Variants in CELSR1 observed in about 807,000 individuals in gnomAD.
CELSR1 encodes the protein cadherin EGF LAG seven-pass G-type receptor 1, also known as adhesion G protein-coupled receptor C1.
CELSR1 carries 110 observed loss-of-function variants against 249.1 expected under a neutral mutation model. The ratio of observed to expected loss-of-function variants is 0.44; its 90% CI spans 0.38 to 0.52. The LOEUF (loss-of-function observed/expected upper bound fraction) is 0.52, where lower values mean the gene tolerates loss of function less well. CELSR1 is among the 20% of genes least tolerant of loss of function. The pLI, the probability that CELSR1 is intolerant of heterozygous loss-of-function variation, is 0.00. For missense variants in CELSR1, 4,109 were observed against 4,296.4 expected, an observed-to-expected ratio of 0.96 and a Z score of 1.22; for synonymous variants, 2,113 against 1,900.0, an observed-to-expected ratio of 1.11 and a Z score of -2.92.
At chr22:46,489,611 C>A (rs757581714) in intron 1 of CELSR1, among the ~76,000 whole-genome samples, 1 of 152,094 alleles carries the variant, frequency 6.6e-6, no homozygotes, top group African/African-American at 2.4e-5. Flanking sequence ...TCAGACTCTG[C>A]CAGGAAAACG....
rs201155196 is a variant in CELSR1 at position 46,369,747 on chromosome 22, G to A, written c.7817C>T (p.Ser2606Leu). 3.3e-5 allele frequency: 54 copies of A among 1,613,458 alleles called. No homozygotes were observed. Among genetic ancestry groups the A allele is most frequent in the East Asian group, 2.0e-4 (9 of 44,886 alleles). The change falls in exon 26 of 35, where the codon TCG becomes TTG. Residue 2606 changes from serine (S) to leucine (L), a missense_variant. Transcript: ENST00000674500. ...GYGNPDFCWL[S>L]LQDTLIWSFA... Reference sequence around the variant, plus strand: ...GCTCCAAATCAGGGTGTCTTGAAGCGACAGCCAGCAGAAGTCGGGGTTCCC... The same window carrying A: ...GCTCCAAATCAGGGTGTCTTGAAGCAACAGCCAGCAGAAGTCGGGGTTCCC...
At chr22:46,403,243 A>G (rs1256127123) in intron 9 of CELSR1, among the ~76,000 whole-genome samples, 4 of 152,084 alleles carry the variant, frequency 2.6e-5, no homozygotes, top group Admixed American at 2.6e-4. Context: ...AGACAAAGAC[A>G]AAAAAACAAT....
chr22:46,439,049 C>T (rs940612484), intron 3 of CELSR1, 140 bp downstream of exon 3: 95 of 827,374 alleles, frequency 1.1e-4, no homozygotes, highest in African/African-American at 1.0e-3. Context: ...TGAGCCACCG[C>T]GCCTGGCCTG....
Position 46,408,963 on chromosome 22 carries a change from G to A in CELSR1, c.5226+33C>T, listed in dbSNP as rs1210502065. ...GGTCCCTCCCTCGGGCACCCACCTA[G>A]CAGGTGCCTTGGTGGCACGGGGCCC... On this transcript the variant is annotated intron_variant, in intron 9 of 34. Coordinates refer to ENST00000674500, the MANE Select transcript of CELSR1 (RefSeq NM_001378328.1). This position sits in a 1 kb window ranked among gnomAD's most constrained non-coding sequence, Gnocchi z 4.6. 6.4e-7 allele frequency: 1 copy of A among 1,564,352 alleles called. No homozygotes were observed. Among genetic ancestry groups the A allele is most frequent in the Admixed American group, 1.9e-5 (1 of 53,316 alleles).
chr22:46,526,994 T>C lies in CELSR1; in HGVS notation c.3544+6633A>G, dbSNP rs565009226. On this transcript the variant is annotated intron_variant, in intron 1 of 34. Coordinates refer to ENST00000674500, the MANE Select transcript of CELSR1 (RefSeq NM_001378328.1). This position sits in a 1 kb window ranked among gnomAD's most constrained non-coding sequence, Gnocchi z 4.7. ...ACTCTCATCCTCCCAGAGCCAGTTT[T>C]TTCTGGAAGGCACAGACAGGGAACA... 6.6e-6 allele frequency among the ~76,000 whole-genome samples: 1 copy of C among 152,262 alleles called. No homozygotes were observed. The highest frequency in any genetic ancestry group is 1.9e-4 in the East Asian group (1 of 5,184).
intron 9 of CELSR1, among the ~76,000 whole-genome samples, chr22:46,403,505 C>T (rs893163337): frequency 6.6e-6 from 1 of 151,666 alleles, no homozygotes; most frequent in African/African-American, 2.4e-5. Flanking sequence ...TGCAGTGAGA[C>T]GAGATCAAGC....
chr22:46,384,350 G>A (rs1289108500), intron 20 of CELSR1, among the ~76,000 whole-genome samples, 193 bp downstream of exon 20: 8 of 152,230 alleles, frequency 5.3e-5, no homozygotes. Flanking sequence ...TTCAGGATTA[G>A]GATGTTCAGC....
At chr22:46,426,767 C>T (rs1459707335) in intron 5 of CELSR1, among the ~76,000 whole-genome samples, 2 of 152,144 alleles carry the variant, frequency 1.3e-5, no homozygotes, top group South Asian at 2.1e-4. Flanking sequence ...AATAAAAGGG[C>T]CCATGGGAGT....
intron 1 of CELSR1, among the ~76,000 whole-genome samples, chr22:46,515,207 G>A (rs886960677): frequency 6.6e-6 from 1 of 152,180 alleles, no homozygotes; most frequent in Non-Finnish European, 1.5e-5. Flanking sequence ...GCCACACTCT[G>A]GGACCTCATG....
At chr22:46,414,146 A>C (rs1487610009) in intron 5 of CELSR1, among the ~76,000 whole-genome samples, 1 of 152,184 alleles carries the variant, frequency 6.6e-6, no homozygotes, top group Non-Finnish European at 1.5e-5. Context: ...TGAGACACCC[A>C]CTGCTAGGAC....
At chr22:46,476,456 C>T (rs1005583535) in intron 1 of CELSR1, among the ~76,000 whole-genome samples, 26 of 152,018 alleles carry the variant, frequency 1.7e-4, no homozygotes, top group African/African-American at 6.0e-4. Flanking sequence ...ATTAGCCAGG[C>T]GTGGTGGTGC....
intron 30 of CELSR1, among the ~76,000 whole-genome samples, chr22:46,366,145 T>C: frequency 1.3e-4 from 1 of 7,748 alleles, no homozygotes; most frequent in Admixed American, 1.2e-3. Context: ...GGGAAAAGGT[T>C]GGTTGGGGGA....
At chr22:46,372,769 G>C (rs984650757) in intron 25 of CELSR1, 114 bp downstream of exon 25, 3 of 1,345,786 alleles carry the variant, frequency 2.2e-6, no homozygotes, top group Non-Finnish European at 3.0e-6. Flanking sequence ...CTCTGCTGGG[G>C]GCTGGACAAG....
rs1404953362 is a variant in CELSR1, at chr22:46,395,842, T to C, written c.5843+763A>G. ...GTGACGCTTGTGATGACTACGCACC[T>C]GTACCCAGCGATCCCCGTGCAAAGG... On this transcript the variant is annotated intron_variant, in intron 13 of 34. Transcript: ENST00000674500. The surrounding 1 kb of genome is among the most constrained non-coding windows in gnomAD (Gnocchi z 5.5). Among the ~76,000 whole-genome samples, 4 of 152,202 alleles carry C rather than the reference T, an allele frequency of 2.6e-5. No individual in the cohort carries two copies. Among genetic ancestry groups the C allele is most frequent in the African/African-American group, 7.2e-5 (3 of 41,454 alleles).
At position 46,393,177 on chromosome 22, in the gene CELSR1, C is replaced by T. The variant is rs1266630758; in HGVS notation, c.5964+965G>A. Among the ~76,000 whole-genome samples, 1 of 152,160 alleles carries T rather than the reference C, an allele frequency of 6.6e-6. No individual in the cohort carries two copies. The highest frequency in any genetic ancestry group is 6.5e-5 in the Admixed American group (1 of 15,284). Reference sequence around the variant, plus strand: ...CGCCCAGGCTCCTGTTACCCTCAGACCTAACATTTGGGTTTCAAGTCACTG... The same window carrying T: ...CGCCCAGGCTCCTGTTACCCTCAGATCTAACATTTGGGTTTCAAGTCACTG... On this transcript the variant is annotated intron_variant, in intron 14 of 34. Coordinates refer to ENST00000674500, the MANE Select transcript of CELSR1 (RefSeq NM_001378328.1). The surrounding 1 kb of genome is among the most constrained non-coding windows in gnomAD (Gnocchi z 4.1).
chr22:46,364,337 GC>G, intron 33 of CELSR1, 86 bp from the exon 34 acceptor site: 1 of 1,553,122 alleles, frequency 6.4e-7, no homozygotes, highest in Non-Finnish European at 8.7e-7. Flanking sequence ...GCCAGCCTCA[GC>G]CCCTGTCCTT....
rs1003074088 is a variant in CELSR1, at chr22:46,380,749, G to A, written c.7256+39C>T. The A allele has an allele frequency of 3.7e-6, 6 of 1,601,008 alleles. No homozygotes were observed. The highest frequency in any genetic ancestry group is 5.1e-6 in the Non-Finnish European group (6 of 1,173,114). On this transcript the variant is annotated intron_variant, in intron 22 of 34. Transcript: ENST00000674500. The surrounding 1 kb of genome is among the most constrained non-coding windows in gnomAD (Gnocchi z 5.1). ...CGACCCTGCGGGGGCACTCTGCCTT[G>A]GCAAAGCCCTCACATGGGGCTCCTG...
chr22:46,472,411 C>T lies in CELSR1; in HGVS notation c.3545-8066G>A, dbSNP rs1008822959. Among the ~76,000 whole-genome samples, 12 of 152,054 alleles carry T rather than the reference C, an allele frequency of 7.9e-5. No homozygotes were observed. The highest frequency in any genetic ancestry group is 7.9e-4 in the Admixed American group (12 of 15,268). On this transcript the variant is annotated intron_variant, in intron 1 of 34. Transcript: ENST00000674500. The surrounding 1 kb of genome is among the most constrained non-coding windows in gnomAD (Gnocchi z 7.0). ...CAAGGAGCAGGCAGCCCTCAGGGGA[C>T]AGGGGACAGTGCCGCAGTTCCGAGA...
chr22:46,513,075 G>A (rs1212032077), intron 1 of CELSR1, among the ~76,000 whole-genome samples: 1 of 152,156 alleles, frequency 6.6e-6, no homozygotes, highest in African/African-American at 2.4e-5. Context: ...TTTAACCAGT[G>A]AGTGACTTCT....
Sources: gnomAD v4.1 joint callset for allele counts (sites outside exome capture counted in the v4.1 genomes callset) on GRCh38, gnomAD v4.1.1 for gene constraint, Gnocchi (gnomAD v3.1) non-coding constraint, MANE v1.5 for transcripts, NCBI Gene and HGNC (gene_info 2026-07-23, HGNC 2026-07-21) for gene names.